The following ESCO2 variants were observed in gnomAD, a reference collection of about 807,000 sequenced individuals.
The protein encoded by ESCO2 is establishment of sister chromatid cohesion N-acetyltransferase 2, also known as N-acetyltransferase ESCO2.
A neutral mutation model predicts 61.7 loss-of-function variants in ESCO2; 51 were observed. The ratio of observed to expected loss-of-function variants is 0.83; its 90% confidence interval spans 0.66 to 1.04. The LOEUF is 1.04. ESCO2 is among the 50% of genes least tolerant of loss of function. The pLI is 0.00. For synonymous variants in ESCO2, 230 were observed against 238.2 expected (o/e 0.97, Z 0.32); for missense variants, 692 against 686.2 (o/e 1.01, Z -0.09).
downstream of ESCO2, among the ~76,000 whole-genome samples, chr8:27,816,357 ATTTATT>A (rs1429548947): frequency 4.9e-3 from 648 of 132,508 alleles, 21 homozygotes; most frequent in East Asian, 0.1. Context: ...ATATATATAT[ATTTATT>A]TATTTATTTA....
downstream of ESCO2, chr8:27,808,249 C>T (rs759919835): frequency 8.9e-6 from 11 of 1,235,414 alleles, 1 homozygote; most frequent in Admixed American, 2.6e-4. Flanking sequence ...TTCAACATTT[C>T]TCAAGTAGCT....
chr8:27,793,631 C>T (rs1219993390), intron 9 of ESCO2, among the ~76,000 whole-genome samples: 1 of 151,892 alleles, frequency 6.6e-6, no homozygotes, highest in Non-Finnish European at 1.5e-5. Context: ...GGACTACAGC[C>T]GCGTGCCACC....
At chr8:27,780,294 C>T (rs374744436) in intron 4 of ESCO2, 27 bp downstream of exon 4, 13 of 1,377,582 alleles carry the variant, frequency 9.4e-6, no homozygotes, top group African/African-American at 2.8e-5. Context: ...ATGAATTTAG[C>T]TGCTTAAAAT....
At chr8:27,794,051 T>A (rs1012908932) in intron 9 of ESCO2, among the ~76,000 whole-genome samples, 3 of 141,360 alleles carry the variant, frequency 2.1e-5, no homozygotes, top group Admixed American at 7.2e-5. Flanking sequence ...GGTTCATTCA[T>A]GTTGTTGCAA....
upstream of ESCO2, chr8:27,772,683 C>T (rs1216408780): frequency 1.4e-6 from 1 of 698,490 alleles, no homozygotes; most frequent in Non-Finnish European, 2.4e-6. Context: ...GTCATAACGC[C>T]GGCCGTGGGC....
rs1804984362 is a variant in ESCO2, at chr8:27,784,117, T to C, written c.1013+60T>C. On this transcript the variant is annotated intron_variant, in intron 5 of 10. Transcript: ENST00000305188. ...GTAAATTATACAGTTCCTCTGGGTCTCTTTTTCAGTCTCATGCTACTTAAT... is the reference window on the plus strand; with the variant it reads ...GTAAATTATACAGTTCCTCTGGGTCCCTTTTTCAGTCTCATGCTACTTAAT... The C allele has an allele frequency of 2.7e-6, 4 of 1,507,594 alleles. No individual in the cohort carries two copies. The Admixed American group carries it at 6.7e-5, about 25-fold the overall frequency. The allele number at this position is 1,507,594 out of a possible 1,614,324, so 93.4% of individuals were successfully genotyped here. A position where few individuals can be genotyped will look rare whatever the true frequency, so the allele number is the denominator to read the frequency against.
Position 27,777,172 on chromosome 8 carries a change from A to G in ESCO2, c.861+3A>G. 1.3e-6 allele frequency: 2 copies of G among 1,598,674 alleles called. No individual in the cohort carries two copies. The highest frequency in any genetic ancestry group is 8.5e-7 in the Non-Finnish European group (1 of 1,175,842). On this transcript the variant is annotated splice_donor_region_variant and intron_variant, in intron 3 of 10. Transcript: ENST00000305188. ...AAAATAAAGAGAAATTAATAAAGGT[A>G]AAGCTAAATATATCACTTTAAAAAT...
intron 10 of ESCO2, 88 bp from the exon 11 acceptor site, chr8:27,803,218 A>T: frequency 8.5e-7 from 1 of 1,179,730 alleles, no homozygotes; most frequent in Non-Finnish European, 1.3e-6. Flanking sequence ...AGGTTGATTT[A>T]AGTCAAGAGT....
Position 27,776,566 on chromosome 8 carries a change from T to C in ESCO2, c.258T>C (p.Phe86=). The change falls in exon 3 of 11, where the codon TTT becomes TTC. Residue 86 remains phenylalanine (F), a synonymous_variant. Coordinates refer to ENST00000305188, the MANE Select transcript of ESCO2 (RefSeq NM_001017420.3). ...PFKSALSTVS[F]YNQNKWYLNP... ...AATCTGCGCTCTCCACTGTATCTTT[T>C]TACAACCAAAATAAGTGGTACCTCA... 6.2e-7 allele frequency: 1 copy of C among 1,614,156 alleles called. No individual in the cohort carries two copies. The highest frequency in any genetic ancestry group is 8.5e-7 in the Non-Finnish European group (1 of 1,180,024).
Position 27,804,617 on chromosome 8 carries a change from A to G in ESCO2, c.*1179A>G. 9 of 985,446 alleles carry G rather than the reference A, an allele frequency of 9.1e-6. No individual in the cohort carries two copies. The highest frequency in any genetic ancestry group is 1.1e-5 in the Non-Finnish European group (9 of 829,916). The allele number at this position is 985,446 out of a possible 1,614,324, so 61.0% of individuals were successfully genotyped here. On this transcript the variant is annotated 3_prime_UTR_variant, in exon 11 of 11. Transcript: ENST00000305188. ...GATTCTGAAAAATCATTCAACTGCT[A>G]ACTGGCAATAAGACTCTAGGCAAGT... is the stretch of plus-strand genomic sequence containing the variant.
At chr8:27,799,454 T>C in intron 9 of ESCO2, 87 bp from the exon 10 acceptor site, 1 of 1,342,098 alleles carries the variant, frequency 7.5e-7, no homozygotes, top group South Asian at 1.2e-5. Flanking sequence ...AAGTTAAATT[T>C]TTGATACTTA....
At chr8:27,772,995 C>G (rs1405983632), upstream of ESCO2, among the ~76,000 whole-genome samples, 2 of 152,140 alleles carry the variant, frequency 1.3e-5, no homozygotes, top group Non-Finnish European at 2.9e-5. Flanking sequence ...AATCGAAGGC[C>G]TGCCATCCCA....
At chr8:27,777,520 G>A (rs954360311) in intron 3 of ESCO2, 3 of 194,274 alleles carry the variant, frequency 1.5e-5, no homozygotes, top group South Asian at 8.9e-5. Context: ...GGCTGGTCTC[G>A]CACTGCTGGG....
chr8:27,796,429 C>G (rs947355899), intron 9 of ESCO2, among the ~76,000 whole-genome samples: 6 of 152,040 alleles, frequency 3.9e-5, no homozygotes, highest in African/African-American at 1.4e-4. Context: ...CTCCACTGAT[C>G]TTTATTTTCT....
intron 10 of ESCO2, among the ~76,000 whole-genome samples, chr8:27,800,853 A>C (rs1805407629): frequency 6.6e-6 from 1 of 152,212 alleles, no homozygotes; most frequent in Non-Finnish European, 1.5e-5. Flanking sequence ...AAGATCGCAC[A>C]TTGTATGATT....
chr8:27,815,780 CAT>C (rs1056870354), downstream of ESCO2, among the ~76,000 whole-genome samples: 6 of 152,284 alleles, frequency 3.9e-5, no homozygotes, highest in Non-Finnish European at 5.9e-5. Flanking sequence ...AGTCTGTAAA[CAT>C]AATAGCATGT....
At chr8:27,792,635 A>G (rs778333037) in intron 8 of ESCO2, 33 bp from the exon 9 acceptor site, 5 of 1,605,312 alleles carry the variant, frequency 3.1e-6, no homozygotes, top group Non-Finnish European at 4.3e-6. Context: ...ACTTTTTAAA[A>G]CATTCACCTG....
chr8:27,776,247 G>T, intron 2 of ESCO2, 115 bp from the exon 3 acceptor site: 4 of 773,264 alleles, frequency 5.2e-6, no homozygotes, highest in Non-Finnish European at 2.1e-6. Context: ...TTGTGTGTAT[G>T]GGGGGTACAT....
intron 3 of ESCO2, chr8:27,777,880 T>A (rs890627978): frequency 6.6e-6 from 1 of 152,220 alleles, no homozygotes. Flanking sequence ...CTCAGGCTTA[T>A]AGTCATGTCT....
Sources: allele counts gnomAD v4.1 joint callset (sites outside exome capture counted in the v4.1 genomes callset), GRCh38; gene constraint gnomAD v4.1.1; transcripts MANE v1.5; gene names NCBI Gene and HGNC (gene_info 2026-07-23, HGNC 2026-07-21).